PPP1CB: variants seen among roughly 807,000 people sequenced by gnomAD.
PPP1CB encodes serine/threonine-protein phosphatase PP1-beta catalytic subunit.
A neutral mutation model predicts 43.7 loss-of-function variants in PPP1CB; 2 were observed. That is an observed-to-expected ratio of 0.05 (90% CI 0.02 to 0.14). PPP1CB has a LOEUF of 0.14. PPP1CB is among the 10% of genes least tolerant of loss of function. The probability of loss-of-function intolerance (pLI) is 1.00; values close to 1 mark genes in which losing one functional copy is unlikely to be tolerated. For synonymous variants in PPP1CB, 136 were observed against 135.6 expected, an observed-to-expected ratio of 1.00 and a Z score of -0.02; for missense variants, 84 against 398.0, an observed-to-expected ratio of 0.21 and a Z score of 6.71.
chr2:28,783,797 C>T, intron 4 of PPP1CB, 110 bp from the exon 5 acceptor site: 3 of 701,420 alleles, frequency 4.3e-6, no homozygotes, highest in South Asian at 1.9e-5. Flanking sequence ...TTTTCAGTAT[C>T]TTTAATTTCA....
chr2:28,799,424 A>C lies in PPP1CB; in HGVS notation c.*121A>C. The C allele has an allele frequency of 1.4e-6, 1 of 710,866 alleles. No individual in the cohort carries two copies. Among genetic ancestry groups the C allele is most frequent in the Admixed American group, 3.2e-5 (1 of 31,504 alleles). 44.0% of individuals were successfully genotyped at this position (710,866 alleles called of 1,614,324 possible). A position where few individuals can be genotyped will look rare whatever the true frequency, so the allele number is the denominator to read the frequency against. On this transcript the variant is annotated 3_prime_UTR_variant, in exon 8 of 8. Transcript: ENST00000395366. ...CTTTATGATGTCACACCTTTAACTT[A>C]AGGAGACGGGTAAAGGATCTTAAAT... is the stretch of plus-strand genomic sequence containing the variant.
In PPP1CB at chr2:28,771,055, C is replaced by CCT. The variant is rs1558302176; in HGVS notation, c.53-5796_53-5795insCT. Reference sequence around the variant, plus strand: ...TATTCCCTGCTCCCCCCCCCCCACCCTTTTTTTTTTTTTTTGAGGCAGAGT... The same window carrying CCT: ...TATTCCCTGCTCCCCCCCCCCCACCCCTTTTTTTTTTTTTTTTGAGGCAGAGT... On this transcript the variant is annotated intron_variant, in intron 1 of 7. Transcript: ENST00000395366. Among the ~76,000 whole-genome samples, 54 of 59,566 alleles carry CCT rather than the reference C, an allele frequency of 9.1e-4. 1 individual carries two copies. Among genetic ancestry groups the CCT allele is most frequent in the Non-Finnish European group, 1.1e-3 (35 of 31,352 alleles). The allele number at this position is 59,566 out of a possible 152,430, so 39.1% of individuals were successfully genotyped here.
chr2:28,796,187 C>G (rs1046582149), intron 7 of PPP1CB, among the ~76,000 whole-genome samples: 1 of 103,164 alleles, frequency 9.7e-6, no homozygotes, highest in Non-Finnish European at 2.2e-5. Context: ...GTTTTGGTTA[C>G]TGTAAGCCTT....
At chr2:28,784,687 G>A (rs1298637669) in intron 5 of PPP1CB, among the ~76,000 whole-genome samples, 1 of 152,032 alleles carries the variant, frequency 6.6e-6, no homozygotes, top group African/African-American at 2.4e-5. Context: ...GGAGGCTGAG[G>A]TGGGCAGGAT....
At position 28,799,234 on chromosome 2, in the gene PPP1CB, G is replaced by C; in HGVS notation, c.915G>C (p.Gln305His). Residue 305 changes from glutamine (Q) to histidine (H), a missense_variant, in exon 8 of 8, where the codon CAG (glutamine) becomes CAC (histidine). By Grantham distance (24) the Gln-to-His change is conservative. Coordinates refer to ENST00000395366, the MANE Select transcript of PPP1CB (RefSeq NM_002709.3). Reference protein sequence around the residue: ...LKPSEKKAKYQYGGLNSGRPV... With the variant: ...LKPSEKKAKYHYGGLNSGRPV... ...CATCTGAAAAGAAAGCTAAATACCA[G>C]TATGGTGGACTGAATTCTGGACGTC... 1 of 1,608,102 alleles carries C rather than the reference G, an allele frequency of 6.2e-7. No homozygotes were observed. The highest frequency in any genetic ancestry group is 8.5e-7 in the Non-Finnish European group (1 of 1,174,732).
In PPP1CB at chr2:28,781,763, G is replaced by A; in HGVS notation, c.441G>A (p.Leu147=). ...DECKRRFNIK[L]WKTFTDCFNC... is the part of the protein sequence containing the mutation. The stretch of plus-strand genomic sequence containing the variant: ...GCAAACGAAGATTTAATATTAAATT[G>A]TGGAAGACCTTCACTGATTGTTTTA... Residue 147 remains leucine, a synonymous_variant, in exon 4 of 8, where the codon TTG becomes TTA. Coordinates refer to ENST00000395366, the MANE Select transcript of PPP1CB (RefSeq NM_002709.3). The A allele has an allele frequency of 1.2e-6, 2 of 1,605,750 alleles. No individual in the cohort carries two copies. Among genetic ancestry groups the A allele is most frequent in the Non-Finnish European group, 8.5e-7 (1 of 1,177,096 alleles).
At chr2:28,760,015 G>T (rs555571096) in intron 1 of PPP1CB, among the ~76,000 whole-genome samples, 1 of 152,258 alleles carries the variant, frequency 6.6e-6, no homozygotes, top group East Asian at 1.9e-4. Flanking sequence ...ATCCTGGGAG[G>T]TGATGGCTCC....
intron 7 of PPP1CB, among the ~76,000 whole-genome samples, chr2:28,798,282 G>A (rs1667537424): frequency 6.6e-6 from 1 of 152,084 alleles, no homozygotes; most frequent in African/African-American, 2.4e-5. Context: ...GGATTTGGAG[G>A]CATTAGAATC....
At chr2:28,761,810 T>C (rs550275246) in intron 1 of PPP1CB, among the ~76,000 whole-genome samples, 1 of 152,336 alleles carries the variant, frequency 6.6e-6, no homozygotes, top group South Asian at 2.1e-4. Flanking sequence ...TGAAAAGTGA[T>C]TTAACACTGT....
chr2:28,793,826 CAATA>C, intron 6 of PPP1CB, 33 bp from the exon 7 acceptor site: 1 of 1,611,264 alleles, frequency 6.2e-7, no homozygotes, highest in Non-Finnish European at 8.5e-7. Context: ...AATTACCCAC[CAATA>C]AATGTTTTTT....
chr2:28,799,730 C>G lies in PPP1CB; in HGVS notation c.*427C>G, dbSNP rs1242862075. On this transcript the variant is annotated 3_prime_UTR_variant, in exon 8 of 8. Coordinates refer to ENST00000395366, the MANE Select transcript of PPP1CB (RefSeq NM_002709.3). ...GTTTTCACTAGAATAATGGCAAATA[C>G]TTCTAATTTTTTTCCCTAAACATTT... The G allele has an allele frequency of 6.5e-6, 1 of 154,164 alleles. No homozygotes were observed. Among genetic ancestry groups the G allele is most frequent in the African/African-American group, 2.4e-5 (1 of 41,494 alleles). The allele number at this position is 154,164 out of a possible 1,614,324, so 9.5% of individuals were successfully genotyped here.
chr2:28,775,242 G>T (rs1667010218), intron 1 of PPP1CB, among the ~76,000 whole-genome samples: 1 of 151,934 alleles, frequency 6.6e-6, no homozygotes, highest in Non-Finnish European at 1.5e-5. Flanking sequence ...TGAGTAGCTG[G>T]GACCACAAGC....
rs527577839 is a variant in PPP1CB, at chr2:28,787,187, C to T, written c.593-1471C>T. Among the ~76,000 whole-genome samples the T allele has an allele frequency of 9.2e-5, 14 of 152,132 alleles. No homozygotes were observed. The South Asian group carries it at 1.2e-3, about 14-fold the overall frequency. ...TAAAAATTATCTTCTTGGCTGGGCG[C>T]GGTGGCTCACACTTGTAATCCCAGC... On this transcript the variant is annotated intron_variant, in intron 5 of 7. Transcript: ENST00000395366.
chr2:28,788,604 A>G, intron 5 of PPP1CB, 54 bp from the exon 6 acceptor site: 1 of 1,554,536 alleles, frequency 6.4e-7, no homozygotes, highest in Non-Finnish European at 8.8e-7. Context: ...GATGTGCTAT[A>G]TTCTATAAAT....
intron 1 of PPP1CB, among the ~76,000 whole-genome samples, chr2:28,768,159 G>A (rs1213809654): frequency 2.6e-5 from 4 of 152,112 alleles, no homozygotes; most frequent in African/African-American, 9.7e-5. Context: ...GAAAATTGTT[G>A]AGGGGTTTTG....
At chr2:28,778,411 G>T (rs1282942721) in intron 2 of PPP1CB, 1 of 472,776 alleles carries the variant, frequency 2.1e-6, no homozygotes, top group South Asian at 1.5e-5. Flanking sequence ...CTCCAATTAA[G>T]GCGTGATCTC....
chr2:28,759,018 G>C (rs908859861), intron 1 of PPP1CB, among the ~76,000 whole-genome samples: 1 of 152,152 alleles, frequency 6.6e-6, no homozygotes, highest in African/African-American at 2.4e-5. Context: ...ACACTTTCTT[G>C]GTTTGAGTAT....
At chr2:28,768,658 G>T (rs1666833869) in intron 1 of PPP1CB, among the ~76,000 whole-genome samples, 1 of 152,170 alleles carries the variant, frequency 6.6e-6, no homozygotes, top group South Asian at 2.1e-4. Flanking sequence ...ATGAGTTACT[G>T]CTGTGCTGCT....
chr2:28,753,643 G>A (rs920149290), intron 1 of PPP1CB, among the ~76,000 whole-genome samples: 1 of 152,106 alleles, frequency 6.6e-6, no homozygotes, highest in Non-Finnish European at 1.5e-5. Flanking sequence ...ATTGTATTTT[G>A]TAACTGTTTT....
Sources: gnomAD v4.1 joint callset for allele counts (sites outside exome capture counted in the v4.1 genomes callset) on GRCh38, gnomAD v4.1.1 for gene constraint, MANE v1.5 for transcripts, NCBI Gene and HGNC (gene_info 2026-07-23, HGNC 2026-07-21) for gene names.